RGS8: variants seen among roughly 807,000 people sequenced by gnomAD.
The protein encoded by RGS8 is regulator of G protein signaling 8.
A neutral mutation model predicts 21.7 loss-of-function variants in RGS8; 8 were observed. The observed-to-expected ratio is 0.37, with a 90% CI of 0.22 to 0.66. The LOEUF (loss-of-function observed/expected upper bound fraction) is 0.66, where lower values mean the gene tolerates loss of function less well. Ranked by LOEUF, RGS8 falls within the 30% of genes least tolerant of loss-of-function variation. The pLI, the probability that RGS8 is intolerant of heterozygous loss-of-function variation, is 0.59. For missense variants in RGS8, 157 were observed against 217.9 expected, an observed-to-expected ratio of 0.72 and a Z score of 1.76; for synonymous variants, 80 against 83.6, an observed-to-expected ratio of 0.96 and a Z score of 0.24.
chr1:182,698,450 T>G, the RGS8 span, among the ~76,000 whole-genome samples: 2 of 152,222 alleles, frequency 1.3e-5, no homozygotes, highest in African/African-American at 2.4e-5. Flanking sequence ...AGTTGATATT[T>G]GTACACTTAC....
intron 5 of RGS8, among the ~76,000 whole-genome samples, chr1:182,660,079 A>T (rs1376858565): frequency 6.6e-6 from 1 of 152,230 alleles, no homozygotes; most frequent in Non-Finnish European, 1.5e-5. Flanking sequence ...ATGTTTTCTC[A>T]AAGAATTTAA....
the RGS8 span, among the ~76,000 whole-genome samples, chr1:182,698,881 G>C: frequency 6.6e-6 from 1 of 152,204 alleles, no homozygotes; most frequent in East Asian, 1.9e-4. Context: ...AGGGGAATTA[G>C]AACAATGTGT....
chr1:182,751,803 G>A, the RGS8 span, among the ~76,000 whole-genome samples: 4 of 152,094 alleles, frequency 2.6e-5, no homozygotes, highest in African/African-American at 9.7e-5. Context: ...GATAAAGGCT[G>A]GATCATTAAA....
chr1:182,657,104 C>G (rs544448310), intron 5 of RGS8, among the ~76,000 whole-genome samples: 5 of 150,664 alleles, frequency 3.3e-5, no homozygotes, highest in African/African-American at 9.8e-5. Context: ...CCCCCCTGGC[C>G]CACCTTTCCT....
the RGS8 span, among the ~76,000 whole-genome samples, chr1:182,738,569 G>A: frequency 2.0e-5 from 3 of 152,272 alleles, no homozygotes; most frequent in Admixed American, 2.0e-4. Context: ...ATCTAACAAT[G>A]GACTTTTTCA....
At chr1:182,739,750 C>A in the RGS8 span, among the ~76,000 whole-genome samples, 1 of 152,042 alleles carries the variant, frequency 6.6e-6, no homozygotes, top group African/African-American at 2.4e-5. Context: ...ACCCAGCCAG[C>A]GGGCAGCCCA....
At chr1:182,751,694 C>G in the RGS8 span, among the ~76,000 whole-genome samples, 3 of 152,100 alleles carry the variant, frequency 2.0e-5, no homozygotes, top group Admixed American at 2.0e-4. Flanking sequence ...GAATTTTATT[C>G]CAAGCATTAG....
chr1:182,746,675 GGAAA>G, the RGS8 span, among the ~76,000 whole-genome samples: 4 of 147,324 alleles, frequency 2.7e-5, no homozygotes, highest in Admixed American at 1.4e-4. Flanking sequence ...GAAAGAAGGA[GGAAA>G]GAAAGAAAGA....
the RGS8 span, among the ~76,000 whole-genome samples, chr1:182,698,301 T>C: frequency 6.6e-6 from 1 of 152,212 alleles, no homozygotes; most frequent in African/African-American, 2.4e-5. Flanking sequence ...TCCATCATAG[T>C]AGTTAAGCAG....
chr1:182,721,045 A>ATATGTGTG, the RGS8 span, among the ~76,000 whole-genome samples: 1 of 45,450 alleles, frequency 2.2e-5, no homozygotes, highest in East Asian at 7.0e-4. Context: ...ATATACATAT[A>ATATGTGTG]CATACATATA....
At chr1:182,732,750 A>G in the RGS8 span, among the ~76,000 whole-genome samples, 3 of 152,346 alleles carry the variant, frequency 2.0e-5, no homozygotes, top group South Asian at 6.2e-4. Context: ...ATAGAAGGAC[A>G]AAGAAAAGCT....
At chr1:182,709,613 T>G in the RGS8 span, among the ~76,000 whole-genome samples, 1 of 152,184 alleles carries the variant, frequency 6.6e-6, no homozygotes, top group Admixed American at 6.5e-5. Context: ...GTATTGCCAC[T>G]GGGTGATACT....
chr1:182,660,282 A>G (rs752064354), intron 5 of RGS8, among the ~76,000 whole-genome samples: 3 of 152,198 alleles, frequency 2.0e-5, no homozygotes, highest in Non-Finnish European at 2.9e-5. Context: ...GAATACAGTC[A>G]CATCGCTGGT....
the RGS8 span, among the ~76,000 whole-genome samples, chr1:182,739,874 A>G: frequency 6.6e-6 from 1 of 152,170 alleles, no homozygotes; most frequent in South Asian, 2.1e-4. Context: ...TAAGCAGGGA[A>G]GGGAAGGGGG....
chr1:182,718,400 G>T, the RGS8 span, among the ~76,000 whole-genome samples: 2,061 of 152,314 alleles, frequency 0.014, 46 homozygotes, highest in African/African-American at 0.047. Context: ...GTCAAATTTG[G>T]ACGGCACCAT....
At chr1:182,719,655 C>G in the RGS8 span, among the ~76,000 whole-genome samples, 3 of 151,600 alleles carry the variant, frequency 2.0e-5, no homozygotes, top group African/African-American at 7.3e-5. Context: ...TTCTCAAACT[C>G]CTGGGCTCAA....
At chr1:182,697,619 G>A in the RGS8 span, among the ~76,000 whole-genome samples, 1 of 152,184 alleles carries the variant, frequency 6.6e-6, no homozygotes, top group Admixed American at 6.5e-5. Flanking sequence ...AGATGCTACC[G>A]TAACAAGGCT....
the RGS8 span, among the ~76,000 whole-genome samples, chr1:182,700,419 C>T: frequency 2.0e-5 from 3 of 152,200 alleles, no homozygotes; most frequent in Non-Finnish European, 4.4e-5. Context: ...ACCAATCTGA[C>T]ACCTCAGCAT....
At chr1:182,727,025 T>A in the RGS8 span, among the ~76,000 whole-genome samples, 1 of 152,196 alleles carries the variant, frequency 6.6e-6, no homozygotes, top group East Asian at 1.9e-4. Flanking sequence ...AGCTCCTCCC[T>A]CTCTCATTCC....
Sources: allele counts gnomAD v4.1 joint callset (sites outside exome capture counted in the v4.1 genomes callset), GRCh38; gene constraint gnomAD v4.1.1; transcripts MANE v1.5; gene names NCBI Gene and HGNC (gene_info 2026-07-23, HGNC 2026-07-21).